CELF4: variants seen among roughly 807,000 people sequenced by gnomAD.
CELF4 encodes CUG-BP- and ETR-3-like factor 4.
In CELF4, 18 loss-of-function variants were observed where a neutral mutation model predicts 59.9. That is an observed-to-expected ratio of 0.30 (90% CI 0.21 to 0.45). CELF4 has a LOEUF of 0.45. Among genes scored for constraint, CELF4 ranks in the 20% least tolerant of loss-of-function variants. CELF4 has a pLI of 1.00. For missense variants in CELF4, 456 were observed against 689.0 expected, an observed-to-expected ratio of 0.66 and a Z score of 3.79; for synonymous variants, 261 against 267.1, an observed-to-expected ratio of 0.98 and a Z score of 0.22.
At chr18:37,271,213 C>T (rs937538003) in intron 7 of CELF4, among the ~76,000 whole-genome samples, 1 of 151,198 alleles carries the variant, frequency 6.6e-6, no homozygotes, top group Non-Finnish European at 1.5e-5. Context: ...AGACTACTCT[C>T]AGTGCCCTTG....
At chr18:37,265,480 A>C (rs1439202454) in intron 9 of CELF4, among the ~76,000 whole-genome samples, 2 of 152,224 alleles carry the variant, frequency 1.3e-5, no homozygotes, top group Non-Finnish European at 2.9e-5. Flanking sequence ...TCCAGCTGGC[A>C]GGCCCTCACT....
intron 2 of CELF4, among the ~76,000 whole-genome samples, chr18:37,371,125 C>T (rs10460056): frequency 0.22 from 33,339 of 152,080 alleles, 3,816 homozygotes; most frequent in East Asian, 0.32. Flanking sequence ...TATTGAACTA[C>T]GTCTTGTTGG....
chr18:37,315,754 C>T (rs926097284), intron 3 of CELF4, among the ~76,000 whole-genome samples: 24 of 152,188 alleles, frequency 1.6e-4, no homozygotes, highest in African/African-American at 5.3e-4. Flanking sequence ...AGATAGCACG[C>T]ATCTGCAGTC....
chr18:37,303,141 CT>C (rs1394742098), intron 3 of CELF4, among the ~76,000 whole-genome samples: 2 of 152,114 alleles, frequency 1.3e-5, no homozygotes, highest in African/African-American at 4.8e-5. Context: ...TTTGAACCCC[CT>C]GGGTGAAGGC....
rs547291883 is a variant in CELF4, at chr18:37,498,196, G to A, written c.287-12589C>T. The stretch of plus-strand genomic sequence containing the variant: ...GCCCTGGAGTGGTTTAGAAGGGCTG[G>A]AGCCTGTAAGAGCACCATCTCCTCA... On this transcript the variant is annotated intron_variant, in intron 1 of 12. Transcript: ENST00000420428. 2.6e-5 allele frequency among the ~76,000 whole-genome samples: 4 copies of A among 152,266 alleles called. No homozygotes were observed. In the East Asian group the frequency reaches 7.7e-4, roughly 29 times the overall value.
At chr18:37,509,903 A>C (rs1486148139) in intron 1 of CELF4, among the ~76,000 whole-genome samples, 1 of 152,248 alleles carries the variant, frequency 6.6e-6, no homozygotes, top group Non-Finnish European at 1.5e-5. Flanking sequence ...AAGAAGCCAG[A>C]CACAAGAGGT....
chr18:37,353,145 CG>C, intron 2 of CELF4, among the ~76,000 whole-genome samples: 1 of 148,590 alleles, frequency 6.7e-6, no homozygotes, highest in Non-Finnish European at 1.5e-5. Context: ...TGCTTGAACC[CG>C]GGAGGCGGAA....
At chr18:37,335,814 C>T (rs769335171) in intron 2 of CELF4, among the ~76,000 whole-genome samples, 2 of 152,160 alleles carry the variant, frequency 1.3e-5, no homozygotes, top group Non-Finnish European at 2.9e-5. Context: ...AAAATCTCCA[C>T]CGCCATCCTC....
chr18:37,274,588 G>A, intron 5 of CELF4, 134 bp from the exon 6 acceptor site: 1 of 1,570,212 alleles, frequency 6.4e-7, no homozygotes, highest in Non-Finnish European at 8.6e-7. Context: ...CTCGCCCAGG[G>A]GAATGAGGTG....
intron 3 of CELF4, among the ~76,000 whole-genome samples, chr18:37,314,540 C>T (rs1347239309): frequency 1.3e-5 from 2 of 152,096 alleles, no homozygotes; most frequent in Non-Finnish European, 2.9e-5. Flanking sequence ...ATACAGAGGC[C>T]AAGGGAGGAA....
chr18:37,306,868 C>A (rs1001115937), intron 3 of CELF4, among the ~76,000 whole-genome samples: 1 of 152,246 alleles, frequency 6.6e-6, no homozygotes, highest in Non-Finnish European at 1.5e-5. Flanking sequence ...GACACCGCTA[C>A]AGTGATACTC....
At chr18:37,515,569 A>T (rs557448275) in intron 1 of CELF4, among the ~76,000 whole-genome samples, 1 of 152,326 alleles carries the variant, frequency 6.6e-6, no homozygotes, top group South Asian at 2.1e-4. Context: ...TCAAGACCGT[A>T]ACGCTGGAGG....
intron 2 of CELF4, among the ~76,000 whole-genome samples, chr18:37,436,596 A>T (rs2099693378): frequency 2.0e-5 from 3 of 152,168 alleles, no homozygotes; most frequent in Admixed American, 1.3e-4. Context: ...TGGCCCCAGC[A>T]CTTCCCTGGC....
chr18:37,266,419 C>G (rs962715323), intron 9 of CELF4, 114 bp downstream of exon 9: 4 of 1,096,510 alleles, frequency 3.6e-6, no homozygotes, highest in Non-Finnish European at 4.1e-6. Flanking sequence ...TCTTTCCACT[C>G]TCTCTCCCCA....
At chr18:37,452,793 C>A (rs1297673428) in intron 2 of CELF4, among the ~76,000 whole-genome samples, 1 of 152,122 alleles carries the variant, frequency 6.6e-6, no homozygotes, top group Non-Finnish European at 1.5e-5. Context: ...TTTCTCAACC[C>A]CCAAATGGTT....
At chr18:37,337,234 C>T (rs1032309969) in intron 2 of CELF4, among the ~76,000 whole-genome samples, 6 of 152,138 alleles carry the variant, frequency 3.9e-5, no homozygotes, top group South Asian at 4.2e-4. Context: ...GTCCCACAAG[C>T]GGAGGGAGAG....
chr18:37,264,488 G>A (rs527846729), intron 10 of CELF4, among the ~76,000 whole-genome samples, 186 bp downstream of exon 10: 5 of 152,328 alleles, frequency 3.3e-5, no homozygotes, highest in South Asian at 4.1e-4. Flanking sequence ...CACAAGAAGC[G>A]GACCTCTACC....
intron 3 of CELF4, among the ~76,000 whole-genome samples, chr18:37,290,792 T>C (rs998299011): frequency 6.6e-6 from 1 of 152,244 alleles, no homozygotes; most frequent in African/African-American, 2.4e-5. Flanking sequence ...AATGATTGCC[T>C]GGAGGCCTAG....
intron 1 of CELF4, among the ~76,000 whole-genome samples, chr18:37,539,472 AACAC>A (rs33924254): frequency 2.6e-3 from 276 of 106,750 alleles, no homozygotes; most frequent in Admixed American, 5.9e-3. Flanking sequence ...CACACACACA[AACAC>A]ACACACACAC....
Sources: allele counts gnomAD v4.1 joint callset (sites outside exome capture counted in the v4.1 genomes callset), GRCh38; gene constraint gnomAD v4.1.1; transcripts MANE v1.5; gene names NCBI Gene and HGNC (gene_info 2026-07-23, HGNC 2026-07-21).